The following DKK3 variants were observed in gnomAD, a reference collection of about 807,000 sequenced individuals.
DKK3 encodes the protein dickkopf-related protein 3.
In DKK3, 22 loss-of-function variants were observed where a neutral mutation model predicts 33.2. The ratio of observed to expected loss-of-function variants is 0.66; its 90% CI spans 0.47 to 0.95. The LOEUF (loss-of-function observed/expected upper bound fraction) is 0.95, where lower values mean the gene tolerates loss of function less well. DKK3 is among the 40% of genes least tolerant of loss of function. DKK3 has a pLI of 0.00. For missense variants in DKK3, 398 were observed against 458.4 expected, an observed-to-expected ratio of 0.87 and a Z score of 1.20; for synonymous variants, 194 against 188.8, an observed-to-expected ratio of 1.03 and a Z score of -0.23.
At chr11:11,984,398 A>C (rs1175244491) in intron 3 of DKK3, among the ~76,000 whole-genome samples, 5 of 151,676 alleles carry the variant, frequency 3.3e-5, no homozygotes, top group Non-Finnish European at 7.4e-5. Context: ...AGTAAGAGAA[A>C]ATAAAAATAT....
At chr11:12,005,460 A>T (rs1049869240) in intron 1 of DKK3, among the ~76,000 whole-genome samples, 2 of 152,242 alleles carry the variant, frequency 1.3e-5, no homozygotes, top group Non-Finnish European at 2.9e-5. Flanking sequence ...AGAGCTGGCC[A>T]TGAGGGGAAG....
chr11:12,002,139 C>G, intron 2 of DKK3, 161 bp downstream of exon 2: 1 of 786,990 alleles, frequency 1.3e-6, no homozygotes, highest in Non-Finnish European at 1.9e-6. Context: ...TCTCCACTTT[C>G]AACAGTAACA....
Position 12,002,375 on chromosome 11 carries a change from G to T in DKK3, c.276C>A (p.Pro92=), listed in dbSNP as rs1848448693. The change falls in exon 2 of 7, where the codon CCC becomes CCA. Residue 92 remains proline (P), a synonymous_variant. Transcript: ENST00000683431. Reference sequence around the variant, plus strand: ...CTGTGTTGGTCTCATTGTGATAGCTGGGAGGTAAGTTTGCCAGGTTCACTT... The same window carrying T: ...CTGTGTTGGTCTCATTGTGATAGCTTGGAGGTAAGTTTGCCAGGTTCACTT... ...SSEVNLANLP[P]SYHNETNTDT... The T allele has an allele frequency of 6.2e-7, 1 of 1,613,888 alleles. No homozygotes were observed. Among genetic ancestry groups the T allele is most frequent in the Non-Finnish European group, 8.5e-7 (1 of 1,179,988 alleles).
intron 3 of DKK3, among the ~76,000 whole-genome samples, chr11:11,992,302 G>C (rs558316799): frequency 1.3e-5 from 2 of 152,316 alleles, no homozygotes; most frequent in African/African-American, 2.4e-5. Context: ...CTAAGGCTTA[G>C]AGCAGTTCAG....
At chr11:11,985,807 C>T (rs1848058102) in intron 3 of DKK3, among the ~76,000 whole-genome samples, 1 of 152,334 alleles carries the variant, frequency 6.6e-6, no homozygotes, top group East Asian at 1.9e-4. Context: ...AATATTTGTT[C>T]TCTTTCCTTC....
intron 3 of DKK3, among the ~76,000 whole-genome samples, chr11:11,990,150 T>C (rs951437942): frequency 6.6e-6 from 1 of 152,238 alleles, no homozygotes; most frequent in Non-Finnish European, 1.5e-5. Flanking sequence ...TCCAGGCTTG[T>C]CTGGAAGAAT....
intron 4 of DKK3, 68 bp downstream of exon 4, chr11:11,968,326 GC>G: frequency 6.8e-6 from 10 of 1,472,936 alleles, no homozygotes; most frequent in Non-Finnish European, 8.3e-6. Context: ...GAACGCTGGG[GC>G]CCCTGGCTTT....
chr11:11,975,874 G>A (rs766046542), intron 3 of DKK3, among the ~76,000 whole-genome samples: 10 of 152,272 alleles, frequency 6.6e-5, no homozygotes, highest in African/African-American at 2.4e-4. Context: ...AGGCTTTTGC[G>A]CCCACACCTC....
rs759595639 is a variant in DKK3 at position 12,002,389 on chromosome 11, C to T, written c.262G>A (p.Ala88Thr). 8.1e-6 allele frequency: 13 copies of T among 1,613,808 alleles called. No homozygotes were observed. The East Asian group carries it at 1.3e-4, about 17-fold the overall frequency. Residue 88 changes from alanine (A) to threonine (T), a missense_variant, in exon 2 of 7, where the codon GCA becomes ACA. By Grantham distance (58) the Ala-to-Thr change is moderately conservative. Transcript: ENST00000683431. ...TTGTGATAGCTGGGAGGTAAGTTTG[C>T]CAGGTTCACTTCTGATGATGCTTTA... ...AAKASSEVNL[A>T]NLPPSYHNET...
intron 2 of DKK3, among the ~76,000 whole-genome samples, chr11:12,001,376 T>C (rs546407323): frequency 6.6e-6 from 1 of 152,302 alleles, no homozygotes; most frequent in East Asian, 1.9e-4. Flanking sequence ...CAACGGCACA[T>C]AAAAATTGAT....
intron 3 of DKK3, among the ~76,000 whole-genome samples, chr11:11,979,263 A>G (rs1847905422): frequency 6.6e-6 from 1 of 152,224 alleles, no homozygotes; most frequent in African/African-American, 2.4e-5. Context: ...GCCCCCTGAC[A>G]GCTGCTGCTG....
At chr11:11,994,918 G>A (rs1048126522) in intron 3 of DKK3, among the ~76,000 whole-genome samples, 5 of 152,112 alleles carry the variant, frequency 3.3e-5, no homozygotes, top group African/African-American at 1.2e-4. Flanking sequence ...CACAACATGC[G>A]GTCTCACACT....
chr11:11,992,417 T>C (rs974849443), intron 3 of DKK3, among the ~76,000 whole-genome samples: 2 of 152,208 alleles, frequency 1.3e-5, no homozygotes, highest in Non-Finnish European at 2.9e-5. Context: ...GCTGCTTCTA[T>C]CAGCAGTCAT....
At chr11:12,000,364 G>A (rs1202266257) in intron 2 of DKK3, among the ~76,000 whole-genome samples, 2 of 152,070 alleles carry the variant, frequency 1.3e-5, no homozygotes, top group Admixed American at 1.3e-4. Flanking sequence ...GTGCCACCAT[G>A]CCCAGCTAAT....
intron 3 of DKK3, among the ~76,000 whole-genome samples, chr11:11,988,691 A>T (rs373022672): frequency 3.9e-5 from 6 of 152,276 alleles, no homozygotes; most frequent in African/African-American, 9.6e-5. Flanking sequence ...ATGGAGGGGT[A>T]AGGGTGGGGC....
intron 3 of DKK3, among the ~76,000 whole-genome samples, chr11:11,997,395 T>C (rs76522590): frequency 0.075 from 11,396 of 152,264 alleles, 513 homozygotes; most frequent in East Asian, 0.17. Flanking sequence ...TCTAGGACCA[T>C]GATCATATCC....
chr11:11,965,137 G>C (rs767715035), intron 6 of DKK3, among the ~76,000 whole-genome samples: 4 of 152,174 alleles, frequency 2.6e-5, no homozygotes, highest in Non-Finnish European at 4.4e-5. Flanking sequence ...AATGTGTTTG[G>C]TAGAGACGGG....
intron 3 of DKK3, among the ~76,000 whole-genome samples, chr11:11,993,903 T>C (rs1414682238): frequency 5.3e-5 from 8 of 152,116 alleles, no homozygotes; most frequent in Non-Finnish European, 4.4e-5. Context: ...TACCCAACCA[T>C]CGCCTAGTCC....
rs1028357470 is a variant in DKK3 at position 11,987,231 on chromosome 11, C to A, written c.435+11465G>T. On this transcript the variant is annotated intron_variant, in intron 3 of 6. Coordinates refer to ENST00000683431, the MANE Select transcript of DKK3 (RefSeq NM_001018057.2). ...ACACCCTTTCCCAGCTGGTCTTCACCATCTTTCTCAGCATTAGGTGGCCCA... is the reference window on the plus strand; with the variant it reads ...ACACCCTTTCCCAGCTGGTCTTCACAATCTTTCTCAGCATTAGGTGGCCCA... Among the ~76,000 whole-genome samples, 8 of 152,246 alleles carry A rather than the reference C, an allele frequency of 5.3e-5. No individual in the cohort carries two copies. The East Asian group carries it at 1.5e-3, about 29-fold the overall frequency.
Sources: allele counts gnomAD v4.1 joint callset (sites outside exome capture counted in the v4.1 genomes callset), GRCh38; gene constraint gnomAD v4.1.1; transcripts MANE v1.5; gene names NCBI Gene and HGNC (gene_info 2026-07-23, HGNC 2026-07-21).